Variants in AVL9 observed in about 807,000 individuals in gnomAD.
AVL9 encodes late secretory pathway protein AVL9 homolog.
In AVL9, 49 loss-of-function variants were observed where a neutral mutation model predicts 79.2. The observed-to-expected ratio is 0.62, with a 90% CI of 0.49 to 0.79. AVL9 has a LOEUF of 0.79. AVL9 is among the 30% of genes least tolerant of loss of function. The pLI is 0.00. For missense variants in AVL9, 682 were observed against 776.8 expected, an observed-to-expected ratio of 0.88 and a Z score of 1.45; for synonymous variants, 299 against 280.6, an observed-to-expected ratio of 1.07 and a Z score of -0.65.
chr7:32,518,369 A>G (rs7804457), intron 1 of AVL9, among the ~76,000 whole-genome samples: 53,275 of 152,088 alleles, frequency 0.35, 9,667 homozygotes, highest in East Asian at 0.48. Flanking sequence ...GTAATGGAAT[A>G]AATACTTATA....
chr7:32,557,440 G>C (rs1159555469), intron 8 of AVL9, among the ~76,000 whole-genome samples: 2 of 152,120 alleles, frequency 1.3e-5, no homozygotes, highest in Admixed American at 6.6e-5. Context: ...TTCCACCTTT[G>C]TCTCTTTTTT....
At chr7:32,543,406 T>A in intron 2 of AVL9, 145 bp downstream of exon 2, 1 of 1,066,086 alleles carries the variant, frequency 9.4e-7, no homozygotes, top group Non-Finnish European at 1.3e-6. Context: ...TGGAGATAAC[T>A]AGTCATTCAC....
chr7:32,543,170 A>C lies in AVL9; in HGVS notation c.123A>C (p.Pro41=), dbSNP rs75665911. The change falls in exon 2 of 16, where the codon CCA becomes CCC. Residue 41 remains proline, a synonymous_variant. Transcript: ENST00000318709. ...QVEFSYPPLI[P]GDGHDSHTLP... ...AATTCTCTTACCCGCCCCTGATTCC[A>C]GGAGATGGACATGACAGCCACACTT... The C allele has an allele frequency of 1.1e-3, 1,752 of 1,614,136 alleles. 12 individuals carry two copies. In the African/African-American group the frequency reaches 0.019, roughly 18 times the overall value.
In AVL9 at chr7:32,564,224, C is replaced by A. The variant is rs544411476; in HGVS notation, c.1215+4760C>A. On this transcript the variant is annotated intron_variant, in intron 10 of 15. Coordinates refer to ENST00000318709, the MANE Select transcript of AVL9 (RefSeq NM_015060.3). ...CCGTATACAATATCAGTATTAAATA[C>A]GTGATGGGCTTACTAACATCCCTAT... Among the ~76,000 whole-genome samples, 12 of 152,250 alleles carry A rather than the reference C, an allele frequency of 7.9e-5. No homozygotes were observed. The East Asian group carries it at 1.9e-3, about 25-fold the overall frequency.
chr7:32,496,333 C>T (rs1449154840), intron 1 of AVL9, among the ~76,000 whole-genome samples: 3 of 152,192 alleles, frequency 2.0e-5, no homozygotes, highest in East Asian at 3.9e-4. Context: ...CTGTTAGGTA[C>T]GGTTGTCGAT....
chr7:32,548,144 C>CTCTCTT (rs1227025763), intron 3 of AVL9, among the ~76,000 whole-genome samples: 3 of 57,596 alleles, frequency 5.2e-5, no homozygotes, highest in African/African-American at 1.6e-4. Flanking sequence ...TTTGTCATCT[C>CTCTCTT]TTTTTTCTTT....
chr7:32,547,159 T>C (rs1274762607), intron 3 of AVL9, among the ~76,000 whole-genome samples: 2 of 152,200 alleles, frequency 1.3e-5, no homozygotes, highest in African/African-American at 4.8e-5. Context: ...TCCAAGGAAT[T>C]TGGATACTTC....
chr7:32,503,367 T>TACACACACACAC (rs1278670017), intron 1 of AVL9, among the ~76,000 whole-genome samples: 1,355 of 88,218 alleles, frequency 0.015, 42 homozygotes, highest in Admixed American at 0.025. Context: ...GAGAGATATA[T>TACACACACACAC]ATATATACAC....
At chr7:32,577,071 C>T (rs562229597) in intron 13 of AVL9, among the ~76,000 whole-genome samples, 1 of 152,000 alleles carries the variant, frequency 6.6e-6, no homozygotes, top group Non-Finnish European at 1.5e-5. Context: ...CAGTGGCTCA[C>T]GCCTGTAATC....
At chr7:32,571,383 C>A (rs1362044976) in intron 11 of AVL9, among the ~76,000 whole-genome samples, 4 of 151,802 alleles carry the variant, frequency 2.6e-5, no homozygotes, top group African/African-American at 9.7e-5. Context: ...CAAAAATTAG[C>A]TGGGCATGGT....
At chr7:32,507,730 G>T (rs530824280) in intron 1 of AVL9, among the ~76,000 whole-genome samples, 2 of 152,152 alleles carry the variant, frequency 1.3e-5, no homozygotes, top group African/African-American at 4.8e-5. Flanking sequence ...CTTGGTGCAC[G>T]TGTGCAAATC....
At chr7:32,554,709 T>C (rs1789983929) in intron 8 of AVL9, 113 bp downstream of exon 8, 1 of 665,650 alleles carries the variant, frequency 1.5e-6, no homozygotes, top group South Asian at 4.0e-5. Flanking sequence ...ACTTTTTGCC[T>C]ATCATTGTGG....
chr7:32,524,596 A>T, intron 1 of AVL9, among the ~76,000 whole-genome samples: 1 of 95,676 alleles, frequency 1.0e-5, no homozygotes. Context: ...TAACTGAGGG[A>T]TGTTTCCCCT....
chr7:32,554,910 T>C (rs1789991897), intron 8 of AVL9, among the ~76,000 whole-genome samples: 1 of 152,148 alleles, frequency 6.6e-6, no homozygotes, highest in African/African-American at 2.4e-5. Flanking sequence ...ATCTCTTTGC[T>C]CTACAGTGCA....
intron 12 of AVL9, among the ~76,000 whole-genome samples, chr7:32,573,843 A>C (rs1583598719): frequency 6.6e-6 from 1 of 152,364 alleles, no homozygotes; most frequent in Admixed American, 6.5e-5. Flanking sequence ...AATATAAAAA[A>C]TAGAAATCAT....
chr7:32,554,427 A>C (rs548115490), intron 7 of AVL9, 131 bp from the exon 8 acceptor site: 2 of 476,560 alleles, frequency 4.2e-6, no homozygotes, highest in South Asian at 1.1e-4. Context: ...GTATAAGTTC[A>C]TAATTTTTCA....
intron 1 of AVL9, among the ~76,000 whole-genome samples, chr7:32,504,502 G>A (rs1338211516): frequency 6.6e-6 from 1 of 152,000 alleles, no homozygotes; most frequent in Non-Finnish European, 1.5e-5. Flanking sequence ...TTTACCATAT[G>A]AGAATCAAGA....
intron 1 of AVL9, among the ~76,000 whole-genome samples, chr7:32,504,018 G>T (rs6953836): frequency 3.3e-5 from 5 of 152,054 alleles, no homozygotes; most frequent in African/African-American, 1.2e-4. Flanking sequence ...CGTCTGCCCC[G>T]TGGCCTTCAC....
At chr7:32,538,097 A>T (rs186784294) in intron 1 of AVL9, 3 of 152,356 alleles carry the variant, frequency 2.0e-5, no homozygotes, top group African/African-American at 7.2e-5. Context: ...CTTCAGTTTC[A>T]GCTAGAACCA....
Sources: allele counts gnomAD v4.1 joint callset (sites outside exome capture counted in the v4.1 genomes callset), GRCh38; gene constraint gnomAD v4.1.1; transcripts MANE v1.5; gene names NCBI Gene and HGNC (gene_info 2026-07-23, HGNC 2026-07-21).